GABRG3: variants seen among roughly 807,000 people sequenced by gnomAD.
GABRG3 encodes gamma-aminobutyric acid receptor subunit gamma-3.
In GABRG3, 25 loss-of-function variants were observed where a neutral mutation model predicts 48.8. That is an observed-to-expected ratio of 0.51 (90% CI 0.37 to 0.72). GABRG3 has a LOEUF of 0.72. Ranked by LOEUF, GABRG3 falls within the 30% of genes least tolerant of loss-of-function variation. GABRG3 has a pLI of 0.00. For missense variants in GABRG3, 394 were observed against 577.9 expected (o/e 0.68, Z 3.26); for synonymous variants, 227 against 217.6 (o/e 1.04, Z -0.38).
At chr15:27,000,740 A>G (rs1895428631) in intron 2 of GABRG3, among the ~76,000 whole-genome samples, 1 of 152,176 alleles carries the variant, frequency 6.6e-6, no homozygotes, top group African/African-American at 2.4e-5. Context: ...GAAGCTGAGC[A>G]GATGCCAGCA....
chr15:27,444,784 A>G (rs1888893370), intron 5 of GABRG3, among the ~76,000 whole-genome samples: 1 of 152,166 alleles, frequency 6.6e-6, no homozygotes, highest in South Asian at 2.1e-4. Context: ...GTTATACAGT[A>G]TCTTTTATAC....
rs1052672752 is a variant in GABRG3 at position 27,352,262 on chromosome 15, G to A, written c.574+23374G>A. On this transcript the variant is annotated intron_variant, in intron 5 of 9. Transcript: ENST00000615808. This position sits in a 1 kb window ranked among gnomAD's most constrained non-coding sequence, Gnocchi z 4.0. ...AGACCGTTCAGCTAATCTCCGTCTC[G>A]CGCTCACTGTTCACAGCGTAAATCC... Among the ~76,000 whole-genome samples, 2 of 151,760 alleles carry A rather than the reference G, an allele frequency of 1.3e-5. No individual in the cohort carries two copies. The highest frequency in any genetic ancestry group is 3.9e-4 in the East Asian group (2 of 5,164).
At position 27,013,950 on chromosome 15, in the gene GABRG3, G is replaced by A. The variant is rs118057738; in HGVS notation, c.203-12804G>A. Among the ~76,000 whole-genome samples, 39 of 152,180 alleles carry A rather than the reference G, an allele frequency of 2.6e-4. 1 individual carries two copies. In the East Asian group the frequency reaches 5.4e-3, roughly 21 times the overall value. ...TAGAATCTGTAGATTGCTTTGAATA[G>A]GACTGACATCTTAACAATATTAGGC... On this transcript the variant is annotated intron_variant, in intron 2 of 9. Coordinates refer to ENST00000615808, the MANE Select transcript of GABRG3 (RefSeq NM_033223.5).
chr15:27,453,769 T>G (rs1405201859), intron 5 of GABRG3, among the ~76,000 whole-genome samples: 1 of 152,122 alleles, frequency 6.6e-6, no homozygotes, highest in Admixed American at 6.5e-5. Flanking sequence ...GGCTGGCTAA[T>G]TTTTGTATTT....
intron 5 of GABRG3, among the ~76,000 whole-genome samples, chr15:27,371,822 A>G (rs1183287722): frequency 2.6e-5 from 4 of 152,218 alleles, no homozygotes; most frequent in African/African-American, 9.6e-5. Context: ...ACACAAAATA[A>G]CACTAAATAT....
At chr15:27,265,813 T>C (rs1890899844) in intron 3 of GABRG3, among the ~76,000 whole-genome samples, 1 of 151,848 alleles carries the variant, frequency 6.6e-6, no homozygotes, top group Non-Finnish European at 1.5e-5. Flanking sequence ...TTTCTTTTCA[T>C]GGATCATGCT....
At position 26,974,229 on chromosome 15, in the gene GABRG3, T is replaced by G. The variant is rs541329923; in HGVS notation, c.53+2641T>G. ...GGGGTGGAAGAGAACGTTCCTGCTT[T>G]CTTTTTCTTGGTCCCCCTCACTGCC... is the stretch of plus-strand genomic sequence containing the variant. On this transcript the variant is annotated intron_variant, in intron 1 of 9. Transcript: ENST00000615808. This position sits in a 1 kb window ranked among gnomAD's most constrained non-coding sequence, Gnocchi z 4.3. Among the ~76,000 whole-genome samples the G allele has an allele frequency of 6.6e-6, 1 of 152,298 alleles. No individual in the cohort carries two copies. Among genetic ancestry groups the G allele is most frequent in the African/African-American group, 2.4e-5 (1 of 41,568 alleles).
chr15:27,270,167 AG>A (rs1490881036), intron 3 of GABRG3, among the ~76,000 whole-genome samples: 24 of 152,208 alleles, frequency 1.6e-4, no homozygotes, highest in Non-Finnish European at 3.4e-4. Flanking sequence ...TACAACTCTT[AG>A]AAAAATGAAT....
chr15:27,239,458 A>G (rs1890072499), intron 3 of GABRG3, among the ~76,000 whole-genome samples: 1 of 152,238 alleles, frequency 6.6e-6, no homozygotes, highest in South Asian at 2.1e-4. Flanking sequence ...CTTTAGTAGT[A>G]AAAGTCTTTA....
chr15:27,352,459 G>T lies in GABRG3; in HGVS notation c.574+23571G>T, dbSNP rs371982658. ...AAATCCAGGGTGAGCCAAGCAGATT[G>T]ATAGTCTTCTAATTAGTACGAAAAA... On this transcript the variant is annotated intron_variant, in intron 5 of 9. Transcript: ENST00000615808. This position sits in a 1 kb window ranked among gnomAD's most constrained non-coding sequence, Gnocchi z 4.0. 1.5e-4 allele frequency among the ~76,000 whole-genome samples: 23 copies of T among 152,156 alleles called. 1 individual carries two copies. The highest frequency in any genetic ancestry group is 4.8e-4 in the African/African-American group (20 of 41,488).
At chr15:27,248,832 A>C (rs1170856739) in intron 3 of GABRG3, among the ~76,000 whole-genome samples, 1 of 46,364 alleles carries the variant, frequency 2.2e-5, no homozygotes, top group Non-Finnish European at 5.3e-5. Flanking sequence ...AGAGAGAGAG[A>C]GAGACAGAGA....
At chr15:26,971,672 C>A (rs1894847722) in intron 1 of GABRG3, 84 bp downstream of exon 1, 4 of 1,407,114 alleles carry the variant, frequency 2.8e-6, no homozygotes, top group Admixed American at 5.9e-5. Flanking sequence ...GAGTCCCTGG[C>A]GCGCCAGCCG....
At chr15:27,195,438 T>C (rs1888464893) in intron 3 of GABRG3, among the ~76,000 whole-genome samples, 1 of 152,086 alleles carries the variant, frequency 6.6e-6, no homozygotes. Context: ...TTCAAGCGAT[T>C]CTCCTGCCTC....
chr15:27,427,117 A>G (rs74006937), intron 5 of GABRG3, among the ~76,000 whole-genome samples: 14,303 of 152,230 alleles, frequency 0.094, 930 homozygotes, highest in African/African-American at 0.18. Context: ...GTTCCTTTAT[A>G]TAGGATTTAT....
intron 5 of GABRG3, among the ~76,000 whole-genome samples, chr15:27,412,279 A>G (rs1887820680): frequency 6.6e-6 from 1 of 152,138 alleles, no homozygotes; most frequent in African/African-American, 2.4e-5. Flanking sequence ...TGATAGAGTC[A>G]AGACACAGAA....
At chr15:27,495,762 C>G (rs964529429) in intron 6 of GABRG3, among the ~76,000 whole-genome samples, 8 of 152,166 alleles carry the variant, frequency 5.3e-5, no homozygotes, top group Admixed American at 2.0e-4. Flanking sequence ...CTTGTGAAAG[C>G]ATTTTTTGAG....
intron 5 of GABRG3, among the ~76,000 whole-genome samples, chr15:27,372,170 T>C (rs1166402407): frequency 1.3e-5 from 2 of 152,198 alleles, no homozygotes; most frequent in Non-Finnish European, 2.9e-5. Flanking sequence ...GAGATATATA[T>C]ATATCACTAT....
At chr15:27,495,995 T>A (rs192529236) in intron 6 of GABRG3, among the ~76,000 whole-genome samples, 1 of 152,314 alleles carries the variant, frequency 6.6e-6, no homozygotes, top group East Asian at 1.9e-4. Flanking sequence ...TCTCCTTACT[T>A]GCAGGTGGGG....
chr15:27,006,843 T>C (rs953201003), intron 2 of GABRG3, among the ~76,000 whole-genome samples: 1 of 129,616 alleles, frequency 7.7e-6, no homozygotes, highest in Non-Finnish European at 1.8e-5. Context: ...CGTTTGTTTT[T>C]TTTTTCTTTT....
Sources: allele counts gnomAD v4.1 joint callset (sites outside exome capture counted in the v4.1 genomes callset), GRCh38; gene constraint gnomAD v4.1.1; non-coding constraint Gnocchi (gnomAD v3.1); transcripts MANE v1.5; gene names NCBI Gene and HGNC (gene_info 2026-07-23, HGNC 2026-07-21).